LRRK1: variants seen among roughly 807,000 people sequenced by gnomAD.
LRRK1 encodes the protein leucine-rich repeat serine/threonine-protein kinase 1.
LRRK1 carries 113 observed loss-of-function variants against 209.1 expected under a neutral mutation model. That is an observed-to-expected ratio of 0.54 (90% confidence interval 0.46 to 0.63). The LOEUF (loss-of-function observed/expected upper bound fraction) is 0.63, where lower values mean the gene tolerates loss of function less well. Among genes scored for constraint, LRRK1 ranks in the 30% least tolerant of loss-of-function variants. The pLI is 0.00. For missense variants in LRRK1, 2,284 were observed against 2,632.2 expected (o/e 0.87, Z 2.89); for synonymous variants, 1,144 against 1,099.7 (o/e 1.04, Z -0.80).
chr15:100,947,439 G>A (rs1426481770), intron 2 of LRRK1, among the ~76,000 whole-genome samples: 1 of 152,000 alleles, frequency 6.6e-6, no homozygotes, highest in East Asian at 1.9e-4. Flanking sequence ...CAGAAAGTTT[G>A]GTATTATTTA....
chr15:101,007,602 G>A (rs560371131), intron 6 of LRRK1, among the ~76,000 whole-genome samples: 97 of 152,198 alleles, frequency 6.4e-4, no homozygotes, highest in Non-Finnish European at 1.1e-3. Flanking sequence ...CCCACAGGCT[G>A]GCAGAGGAGC....
At chr15:100,988,990 C>G (rs568143373) in intron 5 of LRRK1, among the ~76,000 whole-genome samples, 177 bp downstream of exon 5, 1 of 152,232 alleles carries the variant, frequency 6.6e-6, no homozygotes, top group Non-Finnish European at 1.5e-5. Context: ...TCATTTCCTC[C>G]TTACTTGCCC....
rs151108696 is a variant in LRRK1, at chr15:100,975,406, C to G, written c.261+1439C>G. Among the ~76,000 whole-genome samples the G allele has an allele frequency of 7.8e-3, 1,193 of 152,282 alleles. 17 individuals are homozygous for G. The highest frequency in any genetic ancestry group is 0.028 in the African/African-American group (1,146 of 41,552). On this transcript the variant is annotated intron_variant, in intron 3 of 33. Transcript: ENST00000388948. ...CTGAGGGTGGAAAAGCTGTTAAAGG[C>G]AGTGGCATCATAATTTGGCAAAGAG...
chr15:100,974,441 T>G (rs1211313944), intron 3 of LRRK1, among the ~76,000 whole-genome samples: 1 of 152,296 alleles, frequency 6.6e-6, no homozygotes, highest in East Asian at 1.9e-4. Flanking sequence ...ACATGGTTGT[T>G]GTTGTTGTTT....
At position 100,931,773 on chromosome 15, in the gene LRRK1, T is replaced by C. The variant is rs546015932; in HGVS notation, c.97+7044T>C. ...TCACCAGCACCCACGGGTTCAAAAA[T>C]AAGAAGCAAGCGAAGAACCGCTGCC... On this transcript the variant is annotated intron_variant, in intron 2 of 33. Coordinates refer to ENST00000388948, the MANE Select transcript of LRRK1 (RefSeq NM_024652.6). Among the ~76,000 whole-genome samples the C allele has an allele frequency of 3.9e-4, 59 of 152,168 alleles. No homozygotes were observed. The South Asian group carries it at 1.0e-2, about 26-fold the overall frequency.
intron 7 of LRRK1, 73 bp downstream of exon 7, chr15:101,009,136 G>T: frequency 8.1e-7 from 1 of 1,227,668 alleles, no homozygotes; most frequent in Admixed American, 2.0e-5. Flanking sequence ...CATGCTCCCG[G>T]GTTGTATTTT....
In LRRK1 at chr15:101,053,046, T is replaced by C. The variant is rs911429879; in HGVS notation, c.3814T>C (p.Phe1272Leu). The change falls in exon 25 of 34, where the codon TTC (phenylalanine) becomes CTC (leucine). Residue 1272 changes from phenylalanine (F) to leucine (L), a missense_variant. Physicochemically the swap from Phe to Leu is conservative, Grantham distance 22. This residue lies in a region of LRRK1 where 780 missense variants were observed against 985.2 expected (regional missense o/e 0.79). Transcript: ENST00000388948. ...YQGQPVAVKRFHIKKFKNFAN... is the reference protein window; with the variant it reads ...YQGQPVAVKRLHIKKFKNFAN... ...GGGCCAGCCTGTGGCCGTCAAGCGC[T>C]TCCACATCAAAAAATTCAAGAACTT... is the stretch of plus-strand genomic sequence containing the variant. The C allele has an allele frequency of 3.7e-6, 6 of 1,612,444 alleles. No homozygotes were observed. Among genetic ancestry groups the C allele is most frequent in the Non-Finnish European group, 5.1e-6 (6 of 1,178,934 alleles).
chr15:100,989,742 A>G lies in LRRK1; in HGVS notation c.762+344A>G, dbSNP rs192176013. 4 of 366,050 alleles carry G rather than the reference A, an allele frequency of 1.1e-5. No homozygotes were observed. In the East Asian group the frequency reaches 1.6e-4, roughly 15 times the overall value. 22.7% of individuals were successfully genotyped at this position (366,050 alleles called of 1,614,324 possible). A position where few individuals can be genotyped will look rare whatever the true frequency, so the allele number is the denominator to read the frequency against. On this transcript the variant is annotated intron_variant, in intron 6 of 33. Transcript: ENST00000388948. ...TTAATGGTCCCATCCTTATCACAAC[A>G]GCAATTACATTTCATCATGAGTTTT...
At chr15:100,951,010 G>A (rs1439725091) in intron 2 of LRRK1, among the ~76,000 whole-genome samples, 1 of 152,244 alleles carries the variant, frequency 6.6e-6, no homozygotes, top group Non-Finnish European at 1.5e-5. Context: ...GGCTGAGGCA[G>A]GAGAATGGCG....
At chr15:100,972,031 C>T (rs2141650242) in intron 2 of LRRK1, among the ~76,000 whole-genome samples, 1 of 151,426 alleles carries the variant, frequency 6.6e-6, no homozygotes, top group South Asian at 2.1e-4. Flanking sequence ...GGTGCGATCT[C>T]AGCTCACTGC....
At position 100,984,344 on chromosome 15, in the gene LRRK1, T is replaced by C. The variant is rs8024808; in HGVS notation, c.433+645T>C. Among the ~76,000 whole-genome samples, 1,191 of 152,336 alleles carry C rather than the reference T, an allele frequency of 7.8e-3. 17 individuals carry two copies. Among genetic ancestry groups the C allele is most frequent in the African/African-American group, 0.028 (1,144 of 41,560 alleles). On this transcript the variant is annotated intron_variant, in intron 4 of 33. Transcript: ENST00000388948. The stretch of plus-strand genomic sequence containing the variant: ...TACTAACTAAAGTCCATCGCTTACG[T>C]TGCAATTCATTCTTGCTGTTGTATA...
At chr15:101,052,733 C>CTT (rs2035532275) in intron 24 of LRRK1, among the ~76,000 whole-genome samples, 189 bp from the exon 25 acceptor site, 1 of 152,250 alleles carries the variant, frequency 6.6e-6, no homozygotes, top group African/African-American at 2.4e-5. Context: ...GAGACTGAGG[C>CTT]TTAGCAAGCC....
At chr15:100,984,732 T>C (rs2141665380) in intron 4 of LRRK1, among the ~76,000 whole-genome samples, 1 of 152,320 alleles carries the variant, frequency 6.6e-6, no homozygotes, top group South Asian at 2.1e-4. Context: ...TTGTAGGAAC[T>C]ATTTTTTTCT....
chr15:100,996,210 T>C (rs953047447), intron 6 of LRRK1, among the ~76,000 whole-genome samples: 1 of 152,238 alleles, frequency 6.6e-6, no homozygotes, highest in South Asian at 2.1e-4. Context: ...CTCCAGAGTT[T>C]CGTGCATTGC....
chr15:100,957,535 C>T (rs527553386), intron 2 of LRRK1, among the ~76,000 whole-genome samples: 3 of 152,306 alleles, frequency 2.0e-5, no homozygotes, highest in South Asian at 4.1e-4. Context: ...ACCCCTTTAT[C>T]ATTATATAGT....
At chr15:101,058,386 G>C (rs2141147435) in intron 29 of LRRK1, among the ~76,000 whole-genome samples, 1 of 152,156 alleles carries the variant, frequency 6.6e-6, no homozygotes, top group East Asian at 1.9e-4. Context: ...AGGGTGTCTG[G>C]GGACGTGAGG....
chr15:101,030,277 C>T (rs1345255402), intron 20 of LRRK1, among the ~76,000 whole-genome samples: 1 of 152,156 alleles, frequency 6.6e-6, no homozygotes, highest in Non-Finnish European at 1.5e-5. Context: ...GGGCCTTCTC[C>T]ATGAGAGGAC....
rs778985222 is a variant in LRRK1, at chr15:101,052,911, G to C, written c.3690-11G>C. 1.2e-6 allele frequency: 2 copies of C among 1,600,612 alleles called. No homozygotes were observed. Among genetic ancestry groups the C allele is most frequent in the South Asian group, 1.1e-5 (1 of 90,814 alleles). On this transcript the variant is annotated splice_polypyrimidine_tract_variant and intron_variant, in intron 24 of 33. Coordinates refer to ENST00000388948, the MANE Select transcript of LRRK1 (RefSeq NM_024652.6). ...GGGGGGGATGTGGCTGATGCCGGGC[G>C]TGTGTGGCAGGCTCTTCCTGGAGAA...
intron 26 of LRRK1, among the ~76,000 whole-genome samples, chr15:101,054,313 G>A (rs982824098): frequency 6.6e-6 from 1 of 152,186 alleles, no homozygotes; most frequent in African/African-American, 2.4e-5. Context: ...CTTTACGTAG[G>A]ACAGCCTTGA....
Sources: gnomAD v4.1 joint callset for allele counts (sites outside exome capture counted in the v4.1 genomes callset) on GRCh38, gnomAD v4.1.1 for gene constraint, gnomAD v4.1.1 regional missense constraint, MANE v1.5 for transcripts, NCBI Gene and HGNC (gene_info 2026-07-23, HGNC 2026-07-21) for gene names.